The following CACNG3 variants were observed in gnomAD, a reference collection of about 807,000 sequenced individuals.
CACNG3 encodes calcium voltage-gated channel auxiliary subunit gamma 3, also known as voltage-dependent calcium channel gamma-3 subunit.
CACNG3 carries 3 observed loss-of-function variants against 28.5 expected under a neutral mutation model. The observed-to-expected ratio is 0.11, with a 90% CI of 0.05 to 0.27. The LOEUF is 0.27. Ranked by LOEUF, CACNG3 falls within the 10% of genes least tolerant of loss-of-function variation. The pLI is 1.00. For missense variants in CACNG3, 236 were observed against 414.4 expected, an observed-to-expected ratio of 0.57 and a Z score of 3.74; for synonymous variants, 174 against 162.2, an observed-to-expected ratio of 1.07 and a Z score of -0.55.
At chr16:24,335,033 C>T (rs892300213) in intron 1 of CACNG3, among the ~76,000 whole-genome samples, 3 of 152,192 alleles carry the variant, frequency 2.0e-5, no homozygotes, top group African/African-American at 7.2e-5. Flanking sequence ...CAGTGCTTGG[C>T]ACTATGTTAG....
chr16:24,357,160 G>C (rs1900044036), intron 3 of CACNG3, among the ~76,000 whole-genome samples: 1 of 150,392 alleles, frequency 6.6e-6, no homozygotes, highest in South Asian at 2.1e-4. Context: ...CTTGAACCCA[G>C]GAGGCAGAGG....
chr16:24,346,933 A>G, intron 2 of CACNG3, 116 bp downstream of exon 2: 2 of 758,912 alleles, frequency 2.6e-6, no homozygotes, highest in Non-Finnish European at 4.5e-6. Flanking sequence ...AGATAAGTGC[A>G]AAGAAGCCCC....
chr16:24,350,987 C>G (rs533063811), intron 2 of CACNG3, among the ~76,000 whole-genome samples: 1 of 152,324 alleles, frequency 6.6e-6, no homozygotes, highest in Non-Finnish European at 1.5e-5. Flanking sequence ...AACCCCAGAG[C>G]TCACTCGCTG....
At chr16:24,311,277 G>A (rs565722191) in intron 1 of CACNG3, among the ~76,000 whole-genome samples, 10 of 152,168 alleles carry the variant, frequency 6.6e-5, no homozygotes, top group South Asian at 4.2e-4. Context: ...TTGGGAGGCC[G>A]AGGAGGGTGA....
At chr16:24,289,197 G>A (rs924531721) in intron 1 of CACNG3, among the ~76,000 whole-genome samples, 9 of 151,938 alleles carry the variant, frequency 5.9e-5, no homozygotes, top group African/African-American at 1.7e-4. Context: ...TCTCCTTCCC[G>A]ATGAATTCGC....
At chr16:24,296,355 G>A (rs531308361) in intron 1 of CACNG3, among the ~76,000 whole-genome samples, 53 of 152,308 alleles carry the variant, frequency 3.5e-4, no homozygotes, top group African/African-American at 1.2e-3. Flanking sequence ...GACCTGCATA[G>A]CAACTGTCTT....
chr16:24,321,622 T>C lies in CACNG3; in HGVS notation c.212-25112T>C, dbSNP rs117762935. Among the ~76,000 whole-genome samples the C allele has an allele frequency of 7.8e-3, 1,194 of 152,296 alleles. 6 individuals are homozygous for C. The highest frequency in any genetic ancestry group is 0.014 in the Non-Finnish European group (944 of 68,010). ...ATTCCAATACGCCAAAGAGAAGCTGTCAAGCGCTTCCTTTAAGTGAAAAGG... is the reference window on the plus strand; with the variant it reads ...ATTCCAATACGCCAAAGAGAAGCTGCCAAGCGCTTCCTTTAAGTGAAAAGG... On this transcript the variant is annotated intron_variant, in intron 1 of 3. Transcript: ENST00000005284.
intron 1 of CACNG3, among the ~76,000 whole-genome samples, chr16:24,346,369 T>C (rs865916322): frequency 1.2e-4 from 19 of 152,186 alleles, no homozygotes; most frequent in Middle Eastern, 6.8e-3. Context: ...GGCCAGGAGT[T>C]TGAGGCCAGC....
At chr16:24,339,261 G>T (rs578262844) in intron 1 of CACNG3, among the ~76,000 whole-genome samples, 2 of 152,236 alleles carry the variant, frequency 1.3e-5, no homozygotes, top group African/African-American at 4.8e-5. Context: ...TAAAATGCCA[G>T]TACCACAATG....
At chr16:24,338,209 CCTT>C (rs757461803) in intron 1 of CACNG3, among the ~76,000 whole-genome samples, 7 of 152,142 alleles carry the variant, frequency 4.6e-5, no homozygotes, top group Non-Finnish European at 7.4e-5. Flanking sequence ...ATAACTGGCT[CCTT>C]CTCTTTTTTC....
At chr16:24,293,458 C>T (rs1021860459) in intron 1 of CACNG3, among the ~76,000 whole-genome samples, 6 of 152,106 alleles carry the variant, frequency 3.9e-5, no homozygotes, top group African/African-American at 1.4e-4. Flanking sequence ...CACCCGATGG[C>T]TGTAAATCTT....
At chr16:24,273,173 G>T (rs751229593) in intron 1 of CACNG3, among the ~76,000 whole-genome samples, 1 of 152,150 alleles carries the variant, frequency 6.6e-6, no homozygotes, top group African/African-American at 2.4e-5. Flanking sequence ...AAGCATCCAC[G>T]TCAGAGATAC....
At chr16:24,284,860 T>C (rs1189238684) in intron 1 of CACNG3, among the ~76,000 whole-genome samples, 3 of 149,238 alleles carry the variant, frequency 2.0e-5, no homozygotes, top group Non-Finnish European at 4.5e-5. Context: ...TGTGATTAAC[T>C]AGCTTGCCAT....
intron 1 of CACNG3, among the ~76,000 whole-genome samples, chr16:24,280,854 C>T (rs1344863808): frequency 3.0e-5 from 4 of 132,934 alleles, no homozygotes; most frequent in Non-Finnish European, 4.9e-5. Context: ...AAGACCAGAC[C>T]GTTTATTCTG....
At chr16:24,300,308 G>T (rs8055531) in intron 1 of CACNG3, among the ~76,000 whole-genome samples, 35,627 of 151,892 alleles carry the variant, frequency 0.23, 4,505 homozygotes, top group Non-Finnish European at 0.26. Context: ...GTACACAGGG[G>T]CCCCGATAAG....
At chr16:24,317,757 C>A (rs555602943) in intron 1 of CACNG3, among the ~76,000 whole-genome samples, 1 of 151,838 alleles carries the variant, frequency 6.6e-6, no homozygotes, top group Non-Finnish European at 1.5e-5. Flanking sequence ...CGGGTCCCAC[C>A]CCAGACCTGC....
chr16:24,314,201 C>T (rs1198875561), intron 1 of CACNG3, among the ~76,000 whole-genome samples: 2 of 152,122 alleles, frequency 1.3e-5, no homozygotes, highest in African/African-American at 2.4e-5. Context: ...AGGACCAGTA[C>T]ATAATTTATG....
At chr16:24,272,924 T>C (rs1469780740) in intron 1 of CACNG3, among the ~76,000 whole-genome samples, 1 of 152,216 alleles carries the variant, frequency 6.6e-6, no homozygotes, top group Non-Finnish European at 1.5e-5. Flanking sequence ...GGATGTGTTA[T>C]ACAGATTACT....
chr16:24,340,960 T>TA (rs1284878476), intron 1 of CACNG3, among the ~76,000 whole-genome samples: 1 of 152,224 alleles, frequency 6.6e-6, no homozygotes, highest in Non-Finnish European at 1.5e-5. Context: ...TGCCTGAACT[T>TA]AAAGCTGTGC....
Sources: gnomAD v4.1 joint callset for allele counts (sites outside exome capture counted in the v4.1 genomes callset) on GRCh38, gnomAD v4.1.1 for gene constraint, MANE v1.5 for transcripts, NCBI Gene and HGNC (gene_info 2026-07-23, HGNC 2026-07-21) for gene names.